The following KHDRBS3 variants were observed in gnomAD, a reference collection of about 807,000 sequenced individuals.
KHDRBS3 encodes KH domain-containing, RNA-binding, signal transduction-associated protein 3.
A neutral mutation model predicts 45.6 loss-of-function variants in KHDRBS3; 23 were observed. That is an observed-to-expected ratio of 0.50 (90% CI 0.36 to 0.72). The LOEUF is 0.72. Ranked by LOEUF, KHDRBS3 falls within the 30% of genes least tolerant of loss-of-function variation. The pLI, the probability that KHDRBS3 is intolerant of heterozygous loss-of-function variation, is 0.00. For synonymous variants in KHDRBS3, 162 were observed against 156.5 expected (o/e 1.04, Z -0.26); for missense variants, 352 against 424.8 (o/e 0.83, Z 1.51).
At chr8:135,554,396 T>G (rs1826773312) in intron 4 of KHDRBS3, among the ~76,000 whole-genome samples, 1 of 152,182 alleles carries the variant, frequency 6.6e-6, no homozygotes, top group Non-Finnish European at 1.5e-5. Flanking sequence ...ATATAGCACA[T>G]TATATTTAGA....
At chr8:135,512,429 C>CAGG (rs1554620125) in intron 1 of KHDRBS3, among the ~76,000 whole-genome samples, 2 of 78,122 alleles carry the variant, frequency 2.6e-5, no homozygotes, top group African/African-American at 6.6e-5. Context: ...TTGGAAAAGT[C>CAGG]GGGGGGGGGG....
At chr8:135,550,960 A>G (rs1273168961) in intron 4 of KHDRBS3, among the ~76,000 whole-genome samples, 3 of 152,136 alleles carry the variant, frequency 2.0e-5, no homozygotes, top group Non-Finnish European at 4.4e-5. Flanking sequence ...TGCAAAATTG[A>G]TTTGTAAATA....
At chr8:135,603,121 T>C (rs529876913) in intron 6 of KHDRBS3, among the ~76,000 whole-genome samples, 1 of 152,336 alleles carries the variant, frequency 6.6e-6, no homozygotes, top group East Asian at 1.9e-4. Flanking sequence ...ACTGGGCTGG[T>C]CCATCCCACC....
At chr8:135,510,229 C>T (rs1824209490) in intron 1 of KHDRBS3, among the ~76,000 whole-genome samples, 1 of 152,132 alleles carries the variant, frequency 6.6e-6, no homozygotes, top group African/African-American at 2.4e-5. Flanking sequence ...TCTCAAAGTA[C>T]TGTAATTACA....
intron 6 of KHDRBS3, among the ~76,000 whole-genome samples, chr8:135,592,412 C>T (rs529261104): frequency 6.6e-6 from 1 of 152,234 alleles, no homozygotes; most frequent in African/African-American, 2.4e-5. Context: ...TTTATGTGAG[C>T]TGATGTGACA....
intron 1 of KHDRBS3, among the ~76,000 whole-genome samples, chr8:135,473,178 G>A (rs188098540): frequency 3.9e-5 from 6 of 152,226 alleles, no homozygotes; most frequent in Admixed American, 1.3e-4. Flanking sequence ...AGCTCAGCAA[G>A]TGTGGTGGAG....
chr8:135,499,787 A>G (rs1416433109), intron 1 of KHDRBS3, among the ~76,000 whole-genome samples: 1 of 152,050 alleles, frequency 6.6e-6, no homozygotes, highest in Non-Finnish European at 1.5e-5. Context: ...ATTTTTTTTG[A>G]TCAAAGAGAC....
chr8:135,578,313 A>G (rs1290695590), intron 5 of KHDRBS3, among the ~76,000 whole-genome samples: 1 of 152,118 alleles, frequency 6.6e-6, no homozygotes, highest in Non-Finnish European at 1.5e-5. Flanking sequence ...CCAAACTAAT[A>G]TAATACAGAT....
intron 1 of KHDRBS3, among the ~76,000 whole-genome samples, chr8:135,492,570 C>G (rs914993763): frequency 6.7e-6 from 1 of 150,298 alleles, no homozygotes; most frequent in African/African-American, 2.5e-5. Flanking sequence ...AATGTATTTT[C>G]TCCACTGAAT....
intron 5 of KHDRBS3, among the ~76,000 whole-genome samples, chr8:135,571,276 C>T (rs28584894): frequency 0.39 from 59,006 of 152,046 alleles, 12,527 homozygotes; most frequent in South Asian, 0.53. Context: ...CAGTTTAGGG[C>T]AAAAGGAATC....
intron 1 of KHDRBS3, among the ~76,000 whole-genome samples, chr8:135,504,604 C>A (rs1411252130): frequency 6.6e-6 from 1 of 152,210 alleles, no homozygotes; most frequent in Admixed American, 6.5e-5. Context: ...AGATGATAAA[C>A]ACTTTCCCTC....
chr8:135,494,566 C>A (rs1243213777), intron 1 of KHDRBS3, among the ~76,000 whole-genome samples: 1 of 152,176 alleles, frequency 6.6e-6, no homozygotes, highest in Non-Finnish European at 1.5e-5. Flanking sequence ...GCTTGAGCCA[C>A]CGCGCCCAGC....
intron 6 of KHDRBS3, among the ~76,000 whole-genome samples, chr8:135,587,953 T>C (rs1828557697): frequency 6.6e-6 from 1 of 152,190 alleles, no homozygotes; most frequent in African/African-American, 2.4e-5. Context: ...AGGAAAACTG[T>C]TTCCTCTTTA....
At chr8:135,585,099 C>T (rs1586759477) in intron 6 of KHDRBS3, among the ~76,000 whole-genome samples, 2 of 150,770 alleles carry the variant, frequency 1.3e-5, no homozygotes, top group East Asian at 2.0e-4. Flanking sequence ...TGTAGTGGTG[C>T]GCACCTGTAA....
intron 7 of KHDRBS3, chr8:135,625,541 G>A: frequency 2.3e-6 from 2 of 883,026 alleles, no homozygotes; most frequent in Non-Finnish European, 3.9e-6. Context: ...TTTCTTGGGT[G>A]TATTCAGAGC....
chr8:135,555,240 CTG>C (rs1826816809), intron 4 of KHDRBS3, among the ~76,000 whole-genome samples: 1 of 152,194 alleles, frequency 6.6e-6, no homozygotes, highest in Non-Finnish European at 1.5e-5. Flanking sequence ...TCAGTATACT[CTG>C]TGAAGATTCA....
At chr8:135,570,404 A>T (rs1827645310) in intron 5 of KHDRBS3, among the ~76,000 whole-genome samples, 1 of 152,182 alleles carries the variant, frequency 6.6e-6, no homozygotes, top group Non-Finnish European at 1.5e-5. Context: ...AGTTATGAGA[A>T]ATTTTATTAG....
intron 7 of KHDRBS3, chr8:135,625,457 G>A: frequency 1.3e-6 from 1 of 774,348 alleles, no homozygotes; most frequent in Non-Finnish European, 2.3e-6. Flanking sequence ...CCACACCAGG[G>A]CAGCCTTAGG....
rs533219187 is a variant in KHDRBS3, at chr8:135,546,955, G to A, written c.325-1799G>A. On this transcript the variant is annotated intron_variant, in intron 3 of 8. Coordinates refer to ENST00000355849, the MANE Select transcript of KHDRBS3 (RefSeq NM_006558.3). ...TTAAGTTTGTGATAGAAATAATAAT[G>A]CTTGAATAATAATGAACAATTATAA... 2.6e-5 allele frequency among the ~76,000 whole-genome samples: 4 copies of A among 152,148 alleles called. No individual in the cohort carries two copies. The East Asian group carries it at 5.8e-4, about 22-fold the overall frequency.
Sources: gnomAD v4.1 joint callset for allele counts (sites outside exome capture counted in the v4.1 genomes callset) on GRCh38, gnomAD v4.1.1 for gene constraint, MANE v1.5 for transcripts, NCBI Gene and HGNC (gene_info 2026-07-23, HGNC 2026-07-21) for gene names.